SMOC2: variants seen among roughly 807,000 people sequenced by gnomAD.
The protein encoded by SMOC2 is SPARC related modular calcium binding 2.
In SMOC2, 39 loss-of-function variants were observed where a neutral mutation model predicts 61.4. The observed-to-expected ratio is 0.64, with a 90% CI of 0.49 to 0.83. SMOC2 has a LOEUF of 0.83. SMOC2 is among the 40% of genes least tolerant of loss of function. The pLI, the probability that SMOC2 is intolerant of heterozygous loss-of-function variation, is 0.00. For missense variants in SMOC2, 556 were observed against 592.9 expected (o/e 0.94, Z 0.65); for synonymous variants, 247 against 239.9 (o/e 1.03, Z -0.27).
intron 1 of SMOC2, among the ~76,000 whole-genome samples, chr6:168,469,773 C>T (rs1363623743): frequency 6.6e-6 from 1 of 152,104 alleles, no homozygotes; most frequent in Non-Finnish European, 1.5e-5. Flanking sequence ...CGTGCAGCCT[C>T]GTTAGGAGTG....
intron 4 of SMOC2, among the ~76,000 whole-genome samples, chr6:168,537,708 C>T (rs1358965874): frequency 2.0e-5 from 3 of 152,166 alleles, no homozygotes; most frequent in Non-Finnish European, 4.4e-5. Flanking sequence ...GACATATGCC[C>T]TCGGTCCTCT....
chr6:168,526,393 C>G lies in SMOC2; in HGVS notation c.304C>G (p.Arg102Gly), dbSNP rs373126694. The G allele has an allele frequency of 5.0e-6, 8 of 1,614,104 alleles. No homozygotes were observed. The African/African-American group carries it at 9.3e-5, about 19-fold the overall frequency. ...AAGGAAGTATACCCAGGAGCAAGCC[C>G]GGAAGGAGTTTCAGCAAGTGTTCAT... is the stretch of plus-strand genomic sequence containing the variant. ...AERKYTQEQA[R>G]KEFQQVFIPE... The change falls in exon 3 of 13, where the codon CGG becomes GGG. Residue 102 changes from arginine (R) to glycine (G), a missense_variant. Coordinates refer to ENST00000356284, the MANE Select transcript of SMOC2 (RefSeq NM_001166412.2).
intron 1 of SMOC2, among the ~76,000 whole-genome samples, chr6:168,498,506 A>G (rs1228802869): frequency 6.6e-6 from 1 of 152,258 alleles, no homozygotes; most frequent in Non-Finnish European, 1.5e-5. Flanking sequence ...TAATAAAAAC[A>G]GAGCTACTTC....
At chr6:168,607,573 G>C (rs970361316) in intron 8 of SMOC2, among the ~76,000 whole-genome samples, 1 of 142,378 alleles carries the variant, frequency 7.0e-6, no homozygotes, top group African/African-American at 2.6e-5. Context: ...TGCTAAGTGG[G>C]ACCAGAGAGT....
chr6:168,472,713 A>G (rs1781989935), intron 1 of SMOC2, among the ~76,000 whole-genome samples: 1 of 152,146 alleles, frequency 6.6e-6, no homozygotes, highest in African/African-American at 2.4e-5. Flanking sequence ...TTGGGAATGC[A>G]GGCATTTTTT....
chr6:168,558,399 G>A (rs376613788), intron 7 of SMOC2, among the ~76,000 whole-genome samples: 1 of 152,138 alleles, frequency 6.6e-6, no homozygotes, highest in Non-Finnish European at 1.5e-5. Flanking sequence ...TCCTCCTCCT[G>A]CATGCCATCA....
At chr6:168,473,450 C>T (rs1385328995) in intron 1 of SMOC2, among the ~76,000 whole-genome samples, 2 of 152,160 alleles carry the variant, frequency 1.3e-5, no homozygotes, top group South Asian at 2.1e-4. Flanking sequence ...GTGTGCCCTG[C>T]GGTGAGCCTG....
At chr6:168,503,997 A>C (rs1782803130) in intron 1 of SMOC2, among the ~76,000 whole-genome samples, 1 of 152,068 alleles carries the variant, frequency 6.6e-6, no homozygotes, top group African/African-American at 2.4e-5. Context: ...TCAGGTCCTC[A>C]AGTGATGCCA....
chr6:168,655,504 A>G, intron 11 of SMOC2: 1 of 443,290 alleles, frequency 2.3e-6, no homozygotes, highest in Non-Finnish European at 4.6e-6. Context: ...AGATGCGTGC[A>G]TGCCCTGATC....
At chr6:168,658,054 T>C (rs1787371221) in intron 11 of SMOC2, among the ~76,000 whole-genome samples, 2 of 152,144 alleles carry the variant, frequency 1.3e-5, no homozygotes, top group Non-Finnish European at 2.9e-5. Context: ...CTTTGAGACT[T>C]AAAACCTACA....
rs2115298880 is a variant in SMOC2, at chr6:168,666,783, C to T, written c.*345C>T. 1 of 253,220 alleles carries T rather than the reference C, an allele frequency of 3.9e-6. No individual in the cohort carries two copies. Among genetic ancestry groups the T allele is most frequent in the Non-Finnish European group, 7.6e-6 (1 of 131,698 alleles). 15.7% of individuals were successfully genotyped at this position (253,220 alleles called of 1,614,324 possible). ...CTGCAATCGTATGGCTTTCTCTAAC[C>T]CCTGCAGTCACTTCCAGATGCCTGT... is the stretch of plus-strand genomic sequence containing the variant. On this transcript the variant is annotated 3_prime_UTR_variant, in exon 13 of 13. Coordinates refer to ENST00000356284, the MANE Select transcript of SMOC2 (RefSeq NM_001166412.2).
intron 1 of SMOC2, among the ~76,000 whole-genome samples, chr6:168,444,292 G>GTAT (rs1781283373): frequency 6.6e-6 from 1 of 151,796 alleles, no homozygotes; most frequent in Non-Finnish European, 1.5e-5. Flanking sequence ...AGCCTCTCTG[G>GTAT]GGCTTTCAGT....
chr6:168,447,047 G>A (rs1375802308), intron 1 of SMOC2, among the ~76,000 whole-genome samples: 1 of 152,076 alleles, frequency 6.6e-6, no homozygotes, highest in African/African-American at 2.4e-5. Flanking sequence ...CCACTTTACG[G>A]TCTTCTTCCC....
chr6:168,487,591 A>G (rs1344531386), intron 1 of SMOC2, among the ~76,000 whole-genome samples: 1 of 152,084 alleles, frequency 6.6e-6, no homozygotes, highest in African/African-American at 2.4e-5. Flanking sequence ...TGCAACCTCC[A>G]TCTCCTGGAT....
At chr6:168,650,133 C>G (rs746713140) in intron 9 of SMOC2, among the ~76,000 whole-genome samples, 3 of 152,196 alleles carry the variant, frequency 2.0e-5, no homozygotes, top group Non-Finnish European at 2.9e-5. Context: ...GCTATGAGCA[C>G]TAAACCCTGC....
At chr6:168,551,733 C>T (rs373567698) in intron 7 of SMOC2, among the ~76,000 whole-genome samples, 8 of 152,134 alleles carry the variant, frequency 5.3e-5, no homozygotes, top group African/African-American at 1.7e-4. Flanking sequence ...AGATTATGGG[C>T]GTGAGCCACC....
intron 9 of SMOC2, among the ~76,000 whole-genome samples, chr6:168,648,140 C>G (rs1465830906): frequency 6.6e-6 from 1 of 152,184 alleles, no homozygotes; most frequent in African/African-American, 2.4e-5. Flanking sequence ...TAAAGCTGTT[C>G]AGTACTGAGG....
At chr6:168,621,221 C>A (rs1433524841) in intron 9 of SMOC2, among the ~76,000 whole-genome samples, 1 of 152,184 alleles carries the variant, frequency 6.6e-6, no homozygotes, top group Non-Finnish European at 1.5e-5. Flanking sequence ...TAAATTTCAG[C>A]AGACACACTT....
At chr6:168,477,896 C>G (rs910375590) in intron 1 of SMOC2, among the ~76,000 whole-genome samples, 2 of 152,166 alleles carry the variant, frequency 1.3e-5, no homozygotes, top group Non-Finnish European at 2.9e-5. Flanking sequence ...GCGACCCACT[C>G]GATTCTTCTT....
Sources: gnomAD v4.1 joint callset for allele counts (sites outside exome capture counted in the v4.1 genomes callset) on GRCh38, gnomAD v4.1.1 for gene constraint, MANE v1.5 for transcripts, NCBI Gene and HGNC (gene_info 2026-07-23, HGNC 2026-07-21) for gene names.